ZNF236: variants seen among roughly 807,000 people sequenced by gnomAD.
ZNF236 encodes regulated by glucose.
ZNF236 carries 50 observed loss-of-function variants against 191.2 expected under a neutral mutation model. The ratio of observed to expected loss-of-function variants is 0.26; its 90% CI spans 0.21 to 0.33. The LOEUF is 0.33. Ranked by LOEUF, ZNF236 falls within the 10% of genes least tolerant of loss-of-function variation. The pLI, the probability that ZNF236 is intolerant of heterozygous loss-of-function variation, is 1.00. For missense variants in ZNF236, 1,754 were observed against 2,374.5 expected, an observed-to-expected ratio of 0.74 and a Z score of 5.43; for synonymous variants, 907 against 928.8, an observed-to-expected ratio of 0.98 and a Z score of 0.43.
intron 10 of ZNF236, 185 bp downstream of exon 10, chr18:76,895,470 C>T (rs1977376430): frequency 2.5e-6 from 2 of 809,788 alleles, no homozygotes; most frequent in South Asian, 1.8e-5. Context: ...CGCAATGCAG[C>T]ACCCACACCG....
At chr18:76,961,029 A>G (rs1282540492) in intron 30 of ZNF236, among the ~76,000 whole-genome samples, 174 bp downstream of exon 30, 2 of 152,178 alleles carry the variant, frequency 1.3e-5, no homozygotes, top group African/African-American at 4.8e-5. Context: ...TCCATAGGTT[A>G]TTGGGGAACA....
In ZNF236 at chr18:76,960,805, C is replaced by T. The variant is rs776366952; in HGVS notation, c.5369C>T (p.Thr1790Met). Residue 1790 changes from threonine (T) to methionine (M), a missense_variant, in exon 30 of 31, where the codon ACG becomes ATG. This residue lies in a region of ZNF236 where 606 missense variants were observed against 761.5 expected (regional missense o/e 0.80). Transcript: ENST00000320610. This position sits in a 1 kb window ranked among gnomAD's most constrained non-coding sequence, Gnocchi z 4.4. The part of the protein sequence containing the change: ...YKCAYCVMGF[T>M]QKSNMKLHMK... ...TGTGCCTACTGCGTCATGGGCTTCACGCAGAAGAGCAACATGAAGCTGCAC... is the reference window on the plus strand; with the variant it reads ...TGTGCCTACTGCGTCATGGGCTTCATGCAGAAGAGCAACATGAAGCTGCAC... 12 of 1,613,976 alleles carry T rather than the reference C, an allele frequency of 7.4e-6. No individual in the cohort carries two copies. Among genetic ancestry groups the T allele is most frequent in the Non-Finnish European group, 8.5e-6 (10 of 1,180,016 alleles).
chr18:76,831,125 G>A (rs1975157920), intron 1 of ZNF236, among the ~76,000 whole-genome samples: 1 of 130,950 alleles, frequency 7.6e-6, no homozygotes, highest in Non-Finnish European at 1.6e-5. Context: ...TATTTTCTAT[G>A]TTGTGTATCC....
chr18:76,965,930 G>A, intron 30 of ZNF236, among the ~76,000 whole-genome samples: 1 of 152,216 alleles, frequency 6.6e-6, no homozygotes, highest in South Asian at 2.1e-4. Flanking sequence ...CAGGTGGTGG[G>A]CGGGGCCCTA....
chr18:76,864,605 A>G (rs1442951074), intron 3 of ZNF236, among the ~76,000 whole-genome samples: 1 of 151,654 alleles, frequency 6.6e-6, no homozygotes, highest in African/African-American at 2.4e-5. Flanking sequence ...ATTGGGGTGA[A>G]TATAATACAC....
chr18:76,837,444 T>C (rs1300677892), intron 1 of ZNF236, among the ~76,000 whole-genome samples: 8 of 143,584 alleles, frequency 5.6e-5, no homozygotes, highest in South Asian at 2.2e-4. Context: ...TTTCTTTTTT[T>C]TTTTTTTTTT....
chr18:76,922,774 C>T (rs1007815042), intron 20 of ZNF236, among the ~76,000 whole-genome samples: 1 of 152,170 alleles, frequency 6.6e-6, no homozygotes, highest in Non-Finnish European at 1.5e-5. Flanking sequence ...CCAGTCTGGT[C>T]TCGAAATCCT....
chr18:76,879,539 C>G (rs747714666), intron 7 of ZNF236, among the ~76,000 whole-genome samples: 18 of 152,202 alleles, frequency 1.2e-4, no homozygotes, highest in Non-Finnish European at 2.4e-4. Context: ...CACACCCTCA[C>G]AGTGTCGTAT....
chr18:76,913,345 A>G (rs995376157), intron 17 of ZNF236, among the ~76,000 whole-genome samples: 4 of 152,332 alleles, frequency 2.6e-5, no homozygotes, highest in South Asian at 2.1e-4. Context: ...GACTAGATAC[A>G]GGAGTGATTC....
At position 76,968,224 on chromosome 18, in the gene ZNF236, A is replaced by G; in HGVS notation, c.5429A>G (p.Gln1810Arg). 6.2e-7 allele frequency: 1 copy of G among 1,613,934 alleles called. No homozygotes were observed. The highest frequency in any genetic ancestry group is 8.5e-7 in the Non-Finnish European group (1 of 1,179,922). ...TTTGTCTGCATAACAGGAGCTCTGC[A>G]GGAGTCTGCAGGTCACCCGGAGCAG... is the stretch of plus-strand genomic sequence containing the variant. The part of the protein sequence containing the change: ...KRAHSYAGAL[Q>R]ESAGHPEQDG... Residue 1810 changes from glutamine to arginine, a missense_variant, in exon 31 of 31, where the codon CAG becomes CGG. Physicochemically the swap from Gln to Arg is conservative, Grantham distance 43. Around this residue, in one of 5 missense-constraint regions of ZNF236, gnomAD observed 606 missense variants for 761.5 expected, o/e 0.80. Coordinates refer to ENST00000320610, the MANE Select transcript of ZNF236 (RefSeq NM_001306089.2).
chr18:76,831,239 G>A (rs576818877), intron 1 of ZNF236, among the ~76,000 whole-genome samples: 31 of 152,276 alleles, frequency 2.0e-4, no homozygotes, highest in African/African-American at 7.2e-4. Context: ...CCAATGGCAA[G>A]CACTGATATT....
chr18:76,959,033 G>A (rs113009152), intron 28 of ZNF236, among the ~76,000 whole-genome samples: 4 of 152,370 alleles, frequency 2.6e-5, no homozygotes, highest in African/African-American at 9.6e-5. Flanking sequence ...GTGCCTGCAA[G>A]GGCAGCAGCT....
At chr18:76,958,272 T>C (rs1236047668) in intron 28 of ZNF236, among the ~76,000 whole-genome samples, 1 of 152,230 alleles carries the variant, frequency 6.6e-6, no homozygotes, top group Non-Finnish European at 1.5e-5. Context: ...GAGAGCACTT[T>C]CTAGGGAGAA....
At chr18:76,928,165 T>G in intron 25 of ZNF236, 59 bp downstream of exon 25, 1 of 1,362,936 alleles carries the variant, frequency 7.3e-7, no homozygotes, top group Non-Finnish European at 9.9e-7. Context: ...CTGTATATCT[T>G]ACTATCTCTT....
chr18:76,958,433 C>CA (rs1467750433), intron 28 of ZNF236, among the ~76,000 whole-genome samples: 2 of 152,162 alleles, frequency 1.3e-5, no homozygotes, highest in African/African-American at 4.8e-5. Flanking sequence ...GTCAGAGAAA[C>CA]AGAAGCCAAG....
At chr18:76,949,612 A>T (rs1968354119) in intron 27 of ZNF236, among the ~76,000 whole-genome samples, 1 of 151,858 alleles carries the variant, frequency 6.6e-6, no homozygotes, top group African/African-American at 2.4e-5. Flanking sequence ...CCCAGGGCAT[A>T]TGATGTTTAT....
At chr18:76,868,558 C>G in intron 3 of ZNF236, 127 bp from the exon 4 acceptor site, 1 of 682,864 alleles carries the variant, frequency 1.5e-6, no homozygotes. Flanking sequence ...AGTATTAGAT[C>G]AAAATCAAGA....
At position 76,849,649 on chromosome 18, in the gene ZNF236, A is replaced by G. The variant is rs1975799283; in HGVS notation, c.179A>G (p.Asp60Gly). Residue 60 changes from aspartate (D) to glycine (G), a missense_variant, in exon 2 of 31, where the codon GAT (aspartate) becomes GGT (glycine). Around this residue, in one of 5 missense-constraint regions of ZNF236, gnomAD observed 336 missense variants for 495.1 expected, o/e 0.68. Transcript: ENST00000320610. ...KESQFQRHMRDHERNDKPHRC... is the reference protein window; with the variant it reads ...KESQFQRHMRGHERNDKPHRC... ...TCCCAGTTTCAACGCCACATGAGGG[A>G]TCACGAGCGAAATGACAAGGTATGT... The G allele has an allele frequency of 1.9e-6, 3 of 1,588,982 alleles. No homozygotes were observed. Among genetic ancestry groups the G allele is most frequent in the Non-Finnish European group, 2.6e-6 (3 of 1,171,362 alleles).
chr18:76,827,875 C>T lies in ZNF236; in HGVS notation c.55+5213C>T, dbSNP rs575943486. 9.9e-5 allele frequency among the ~76,000 whole-genome samples: 15 copies of T among 152,258 alleles called. No individual in the cohort carries two copies. The East Asian group carries it at 1.5e-3, about 16-fold the overall frequency. ...AATAATGTGACCTTGAGGGAAACCACATTTTGGAATCTTGTATGATTTCCA... is the reference window on the plus strand; with the variant it reads ...AATAATGTGACCTTGAGGGAAACCATATTTTGGAATCTTGTATGATTTCCA... On this transcript the variant is annotated intron_variant, in intron 1 of 30. Coordinates refer to ENST00000320610, the MANE Select transcript of ZNF236 (RefSeq NM_001306089.2).
Sources: gnomAD v4.1 joint callset for allele counts (sites outside exome capture counted in the v4.1 genomes callset) on GRCh38, gnomAD v4.1.1 for gene constraint, gnomAD v4.1.1 regional missense constraint, Gnocchi (gnomAD v3.1) non-coding constraint, MANE v1.5 for transcripts, NCBI Gene and HGNC (gene_info 2026-07-23, HGNC 2026-07-21) for gene names.